The following GMDS variants were observed in gnomAD, a reference collection of about 807,000 sequenced individuals.
The protein encoded by GMDS is GDP-mannose 4,6-dehydratase.
A neutral mutation model predicts 49.9 loss-of-function variants in GMDS; 20 were observed. The observed-to-expected ratio is 0.40, with a 90% CI of 0.28 to 0.58. The LOEUF (loss-of-function observed/expected upper bound fraction) is 0.58. GMDS is among the 20% of genes least tolerant of loss of function. The pLI is 0.42. For missense variants in GMDS, 362 were observed against 481.4 expected, an observed-to-expected ratio of 0.75 and a Z score of 2.32; for synonymous variants, 177 against 178.6, an observed-to-expected ratio of 0.99 and a Z score of 0.07.
intron 2 of GMDS, among the ~76,000 whole-genome samples, chr6:2,122,668 T>C (rs1201170537): frequency 2.6e-5 from 4 of 152,232 alleles, no homozygotes; most frequent in Non-Finnish European, 5.9e-5. Context: ...TACGAATCTC[T>C]TAAAATTGAG....
chr6:2,117,099 T>G (rs1016611538), intron 3 of GMDS, among the ~76,000 whole-genome samples: 3 of 152,210 alleles, frequency 2.0e-5, no homozygotes, highest in Non-Finnish European at 4.4e-5. Context: ...TGTACAAAGA[T>G]TGTTTAAATT....
At chr6:1,750,818 G>A (rs1249012839) in intron 7 of GMDS, among the ~76,000 whole-genome samples, 5 of 152,154 alleles carry the variant, frequency 3.3e-5, no homozygotes, top group East Asian at 1.9e-4. Context: ...GCTAAGATCC[G>A]CTGGCTTGAA....
At chr6:1,720,389 G>GT (rs1766337939) in intron 9 of GMDS, among the ~76,000 whole-genome samples, 1 of 152,168 alleles carries the variant, frequency 6.6e-6, no homozygotes, top group African/African-American at 2.4e-5. Flanking sequence ...TTAAGTCCAA[G>GT]GAAGGAAAAG....
At chr6:1,659,210 CTTTT>C (rs564150050) in intron 9 of GMDS, among the ~76,000 whole-genome samples, 1 of 138,996 alleles carries the variant, frequency 7.2e-6, no homozygotes, top group African/African-American at 2.6e-5. Flanking sequence ...GTGGCAGGGC[CTTTT>C]TTTTTTTTTT....
At chr6:1,889,908 T>A (rs994627480) in intron 7 of GMDS, among the ~76,000 whole-genome samples, 2 of 152,198 alleles carry the variant, frequency 1.3e-5, no homozygotes, top group African/African-American at 4.8e-5. Flanking sequence ...AGCATAATGT[T>A]TTCCAGGTTC....
At position 2,191,990 on chromosome 6, in the gene GMDS, G is replaced by A. The variant is rs1361569139; in HGVS notation, c.102+53331C>T. The stretch of plus-strand genomic sequence containing the variant: ...CTGGCACACACTTCCTCCACTCTGA[G>A]GCCCATAAAAGCCCCGGGCTCAGCT... On this transcript the variant is annotated intron_variant, in intron 1 of 10. Coordinates refer to ENST00000380815, the MANE Select transcript of GMDS (RefSeq NM_001500.4). This position sits in a 1 kb window ranked among gnomAD's most constrained non-coding sequence, Gnocchi z 4.6. 1.3e-5 allele frequency among the ~76,000 whole-genome samples: 2 copies of A among 152,180 alleles called. No individual in the cohort carries two copies. The highest frequency in any genetic ancestry group is 2.9e-5 in the Non-Finnish European group (2 of 68,016).
chr6:1,741,593 C>G (rs1057291657), intron 8 of GMDS, among the ~76,000 whole-genome samples: 5 of 151,638 alleles, frequency 3.3e-5, no homozygotes, highest in Non-Finnish European at 1.5e-5. Flanking sequence ...GGTGGATCAC[C>G]TGAGGTCAGG....
intron 1 of GMDS, among the ~76,000 whole-genome samples, chr6:2,203,497 T>C (rs1224344975): frequency 6.7e-6 from 1 of 148,194 alleles, no homozygotes; most frequent in African/African-American, 2.5e-5. Flanking sequence ...TTAGACAAAA[T>C]GCCAAGTTTC....
rs1770643528 is a variant in GMDS, at chr6:2,054,060, G to A, written c.345+61711C>T. Among the ~76,000 whole-genome samples the A allele has an allele frequency of 2.6e-5, 4 of 152,162 alleles. No homozygotes were observed. The South Asian group carries it at 8.3e-4, about 32-fold the overall frequency. On this transcript the variant is annotated intron_variant, in intron 4 of 10. Transcript: ENST00000380815. ...AATTATATTCATGAAAGACACTAAA[G>A]TTACAAAAGAATACATTCATTTATC...
intron 7 of GMDS, among the ~76,000 whole-genome samples, chr6:1,889,105 A>G (rs1182994582): frequency 1.3e-5 from 2 of 152,144 alleles, no homozygotes; most frequent in African/African-American, 4.8e-5. Flanking sequence ...TTATTGTAGA[A>G]TCCATGGATG....
intron 7 of GMDS, among the ~76,000 whole-genome samples, chr6:1,821,850 G>C (rs1215255064): frequency 6.6e-6 from 1 of 152,164 alleles, no homozygotes; most frequent in South Asian, 2.1e-4. Flanking sequence ...TCTTGCGGCG[G>C]GGGAGGGGAC....
chr6:1,737,703 CACACACCACAAAG>C (rs1354728423), intron 8 of GMDS, among the ~76,000 whole-genome samples: 4 of 148,470 alleles, frequency 2.7e-5, no homozygotes, highest in Admixed American at 2.0e-4. Context: ...CACACACACG[CACACACCACAAAG>C]ACACACCACA....
intron 7 of GMDS, among the ~76,000 whole-genome samples, chr6:1,840,519 T>G (rs1391270324): frequency 6.6e-6 from 1 of 152,208 alleles, no homozygotes; most frequent in Non-Finnish European, 1.5e-5. Context: ...GGAGCATGTA[T>G]TGCTGATATC....
chr6:2,186,933 C>A lies in GMDS; in HGVS notation c.102+58388G>T, dbSNP rs1317272006. On this transcript the variant is annotated intron_variant, in intron 1 of 10. Transcript: ENST00000380815. ...AAGCTTTATACTTTCGATAAAAAGT[C>A]TACTATTAAACATTAGTGATTCTCT... 1.3e-5 allele frequency among the ~76,000 whole-genome samples: 2 copies of A among 152,310 alleles called. 1 individual carries two copies. The highest frequency in any genetic ancestry group is 4.1e-4 in the South Asian group (2 of 4,826).
At chr6:2,160,961 T>C (rs1777368495) in intron 1 of GMDS, among the ~76,000 whole-genome samples, 1 of 152,216 alleles carries the variant, frequency 6.6e-6, no homozygotes, top group South Asian at 2.1e-4. Context: ...GACCATACCC[T>C]GAAGCTCTTT....
intron 7 of GMDS, among the ~76,000 whole-genome samples, chr6:1,864,585 T>C (rs1758351215): frequency 6.6e-6 from 1 of 152,222 alleles, no homozygotes; most frequent in Non-Finnish European, 1.5e-5. Context: ...TCTTGGTTCA[T>C]TTAGTAGTGT....
chr6:1,893,193 C>CTT (rs1197199049), intron 7 of GMDS, among the ~76,000 whole-genome samples: 2,247 of 127,454 alleles, frequency 0.018, 43 homozygotes, highest in Non-Finnish European at 0.027. Context: ...TTTTTGTTTT[C>CTT]TTTTTTTTTT....
chr6:1,934,682 TA>T (rs1441630837), intron 6 of GMDS, among the ~76,000 whole-genome samples: 1 of 152,246 alleles, frequency 6.6e-6, no homozygotes, highest in Non-Finnish European at 1.5e-5. Flanking sequence ...AGTTTTGGAT[TA>T]ATTTTAAACA....
At chr6:2,015,659 G>A (rs912951739) in intron 4 of GMDS, among the ~76,000 whole-genome samples, 1 of 151,728 alleles carries the variant, frequency 6.6e-6, no homozygotes, top group Non-Finnish European at 1.5e-5. Flanking sequence ...TTATCTGTAA[G>A]GTGTATTTTC....
Sources: allele counts gnomAD v4.1 joint callset (sites outside exome capture counted in the v4.1 genomes callset), GRCh38; gene constraint gnomAD v4.1.1; non-coding constraint Gnocchi (gnomAD v3.1); transcripts MANE v1.5; gene names NCBI Gene and HGNC (gene_info 2026-07-23, HGNC 2026-07-21).